GALNTL6: variants seen among roughly 807,000 people sequenced by gnomAD.
GALNTL6 encodes the protein polypeptide N-acetylgalactosaminyltransferase like 6, also known as polypeptide N-acetylgalactosaminyltransferase-like 6.
Under a neutral mutation model 73.7 loss-of-function variants are expected in GALNTL6, and 46 were observed. That is an observed-to-expected ratio of 0.62 (90% CI 0.49 to 0.80). The LOEUF (loss-of-function observed/expected upper bound fraction) is 0.80. Ranked by LOEUF, GALNTL6 falls within the 30% of genes least tolerant of loss-of-function variation. GALNTL6 has a pLI of 0.00. For synonymous variants in GALNTL6, 259 were observed against 263.7 expected, an observed-to-expected ratio of 0.98 and a Z score of 0.17; for missense variants, 604 against 755.0, an observed-to-expected ratio of 0.80 and a Z score of 2.34.
intron 3 of GALNTL6, among the ~76,000 whole-genome samples, chr4:172,290,937 A>G (rs192962025): frequency 3.0e-4 from 45 of 152,084 alleles, no homozygotes; most frequent in Middle Eastern, 3.4e-3. Flanking sequence ...ATAAGAAGAA[A>G]GAGAAGGAGA....
rs1260124034 is a variant in GALNTL6 at position 172,097,534 on chromosome 4, T to TCCTC, written c.139-132110_139-132107dup. 3.9e-5 allele frequency among the ~76,000 whole-genome samples: 6 copies of TCCTC among 152,154 alleles called. 1 individual carries two copies. The South Asian group carries it at 1.2e-3, about 32-fold the overall frequency. On this transcript the variant is annotated intron_variant, in intron 2 of 12. Transcript: ENST00000506823. Reference sequence around the variant, plus strand: ...ACTCATTATCCCTTCCTCTCTCCCTTCCTCCCTCCCTCCCTTCCTTTCTTC... The same window carrying TCCTC: ...ACTCATTATCCCTTCCTCTCTCCCTTCCTCCCTCCCTCCCTCCCTTCCTTTCTTC...
intron 3 of GALNTL6, among the ~76,000 whole-genome samples, chr4:172,234,474 T>C (rs148247928): frequency 6.6e-6 from 1 of 152,302 alleles, no homozygotes; most frequent in Non-Finnish European, 1.5e-5. Context: ...AATACACTTA[T>C]GTTACTTCTG....
chr4:172,262,277 G>A (rs1279114115), intron 3 of GALNTL6, among the ~76,000 whole-genome samples: 3 of 151,334 alleles, frequency 2.0e-5, no homozygotes, highest in African/African-American at 7.3e-5. Context: ...CTTAGGTCTA[G>A]CAGTAATTGT....
intron 4 of GALNTL6, among the ~76,000 whole-genome samples, chr4:172,322,915 A>T (rs1235510933): frequency 6.6e-6 from 1 of 152,096 alleles, no homozygotes; most frequent in African/African-American, 2.4e-5. Context: ...GCAAACCAAC[A>T]CGTATATAAG....
intron 4 of GALNTL6, among the ~76,000 whole-genome samples, chr4:172,323,220 A>G (rs1453395422): frequency 1.3e-5 from 2 of 152,220 alleles, no homozygotes; most frequent in Admixed American, 6.5e-5. Flanking sequence ...ATAAATAAGT[A>G]GTAATGACCC....
chr4:171,949,945 A>C (rs1738822320), intron 2 of GALNTL6, among the ~76,000 whole-genome samples: 1 of 152,222 alleles, frequency 6.6e-6, no homozygotes. Context: ...GTGATGAAAG[A>C]TGTAAATTCC....
At chr4:173,027,729 G>A (rs1013013511) in intron 12 of GALNTL6, among the ~76,000 whole-genome samples, 2 of 152,072 alleles carry the variant, frequency 1.3e-5, no homozygotes, top group African/African-American at 4.8e-5. Flanking sequence ...GACCTTTAAA[G>A]GAATAAGAAT....
intron 2 of GALNTL6, among the ~76,000 whole-genome samples, chr4:171,868,727 G>T (rs1232355193): frequency 6.6e-6 from 1 of 152,010 alleles, no homozygotes. Flanking sequence ...TGTCACCCAG[G>T]CTGGAGTGCA....
chr4:172,557,880 A>G (rs952012089), intron 5 of GALNTL6, among the ~76,000 whole-genome samples: 1 of 152,150 alleles, frequency 6.6e-6, no homozygotes, highest in Non-Finnish European at 1.5e-5. Context: ...ATGACCCAGA[A>G]AATTAATTTC....
chr4:172,925,191 A>T (rs1249768228), intron 8 of GALNTL6, among the ~76,000 whole-genome samples: 51 of 144,548 alleles, frequency 3.5e-4, no homozygotes, highest in Non-Finnish European at 4.9e-4. Context: ...TTTTTTTTTT[A>T]AAGTGATCAT....
chr4:172,378,772 G>A (rs1318555430), intron 5 of GALNTL6, among the ~76,000 whole-genome samples: 2 of 151,946 alleles, frequency 1.3e-5, no homozygotes, highest in Non-Finnish European at 2.9e-5. Context: ...TCCATTATAA[G>A]CCAAAATTTT....
chr4:172,073,066 G>T (rs182585638), intron 2 of GALNTL6, among the ~76,000 whole-genome samples: 9 of 152,104 alleles, frequency 5.9e-5, no homozygotes, highest in South Asian at 4.1e-4. Context: ...AATGATTTCT[G>T]CCTCAGTAAC....
chr4:172,323,371 C>T (rs1740825502), intron 4 of GALNTL6, among the ~76,000 whole-genome samples: 1 of 152,114 alleles, frequency 6.6e-6, no homozygotes, highest in Admixed American at 6.6e-5. Flanking sequence ...AACAGTGTGA[C>T]TAAAACCAGC....
intron 8 of GALNTL6, among the ~76,000 whole-genome samples, chr4:172,927,975 T>G (rs1748144904): frequency 6.6e-6 from 1 of 152,302 alleles, no homozygotes; most frequent in East Asian, 1.9e-4. Flanking sequence ...TGGAAGATAT[T>G]GTGGTGTCTA....
chr4:172,239,483 T>C (rs543345398), intron 3 of GALNTL6, among the ~76,000 whole-genome samples: 1 of 152,186 alleles, frequency 6.6e-6, no homozygotes, highest in African/African-American at 2.4e-5. Context: ...ATTCTCTTTT[T>C]TTCTTTATTG....
chr4:172,425,099 A>G (rs1404828004), intron 5 of GALNTL6, among the ~76,000 whole-genome samples: 1 of 152,100 alleles, frequency 6.6e-6, no homozygotes, highest in Non-Finnish European at 1.5e-5. Flanking sequence ...CAAAATTCTA[A>G]TATGTCTGTA....
intron 5 of GALNTL6, among the ~76,000 whole-genome samples, chr4:172,631,014 T>C (rs1739372346): frequency 6.6e-6 from 1 of 151,910 alleles, no homozygotes; most frequent in East Asian, 1.9e-4. Flanking sequence ...AAAAATGTAA[T>C]TGACAATTGC....
In GALNTL6 at chr4:172,711,543, G is replaced by A. The variant is rs73872703; in HGVS notation, c.554-97818G>A. Among the ~76,000 whole-genome samples the A allele has an allele frequency of 4.2e-3, 633 of 152,206 alleles. 2 individuals are homozygous for A. Among genetic ancestry groups the A allele is most frequent in the Non-Finnish European group, 7.2e-3 (493 of 68,006 alleles). Reference sequence around the variant, plus strand: ...AGGGAGTCAAAATTGAATGTGTGCCGGGTGAACAAGGTAGGGTTCCAGGAT... The same window carrying A: ...AGGGAGTCAAAATTGAATGTGTGCCAGGTGAACAAGGTAGGGTTCCAGGAT... On this transcript the variant is annotated intron_variant, in intron 5 of 12. Transcript: ENST00000506823.
At chr4:172,420,621 G>A (rs528677830) in intron 5 of GALNTL6, among the ~76,000 whole-genome samples, 4 of 152,104 alleles carry the variant, frequency 2.6e-5, no homozygotes, top group African/African-American at 9.6e-5. Context: ...CATCCAAAAC[G>A]GCTCAGATTA....
Sources: gnomAD v4.1 joint callset for allele counts (sites outside exome capture counted in the v4.1 genomes callset) on GRCh38, gnomAD v4.1.1 for gene constraint, MANE v1.5 for transcripts, NCBI Gene and HGNC (gene_info 2026-07-23, HGNC 2026-07-21) for gene names.